Variants in PCDHA6 observed in about 807,000 individuals in gnomAD.
The protein encoded by PCDHA6 is protocadherin alpha-6.
A neutral mutation model predicts 60.3 loss-of-function variants in PCDHA6; 55 were observed. That is an observed-to-expected ratio of 0.91 (90% CI 0.73 to 1.14). The LOEUF is 1.14. Ranked by LOEUF, PCDHA6 falls within the 50% of genes most tolerant of loss-of-function variation. The pLI is 0.00. For missense variants in PCDHA6, 1,327 were observed against 1,256.5 expected (o/e 1.06, Z -0.85); for synonymous variants, 652 against 557.9 (o/e 1.17, Z -2.38).
chr5:140,828,232 G>C lies in PCDHA6; in HGVS notation c.141G>C (p.Arg47=), dbSNP rs111975849. ...CCAAACACGGCACCTTCGTGGGCCGGATCGCGCAGGACCTGGGGCTGGAGC... is the reference window on the plus strand; with the variant it reads ...CCAAACACGGCACCTTCGTGGGCCGCATCGCGCAGGACCTGGGGCTGGAGC... The part of the protein sequence containing the change: ...EEAKHGTFVG[R]IAQDLGLELA... Residue 47 remains arginine (R), a synonymous_variant, in exon 1 of 4, where the codon CGG becomes CGC. Transcript: ENST00000529310. The C allele has an allele frequency of 3.8e-5, 61 of 1,613,964 alleles. 1 individual carries two copies. The highest frequency in any genetic ancestry group is 2.1e-4 in the African/African-American group (16 of 75,074).
At chr5:140,893,385 G>A (rs2063961874) in intron 1 of PCDHA6, among the ~76,000 whole-genome samples, 1 of 152,138 alleles carries the variant, frequency 6.6e-6, no homozygotes, top group South Asian at 2.1e-4. Flanking sequence ...TGGGACAGTG[G>A]CTCATGCCTG....
At position 140,830,361 on chromosome 5, in the gene PCDHA6, G is replaced by C. The variant is rs2150185402; in HGVS notation, c.2270G>C (p.Arg757Thr). The C allele has an allele frequency of 6.2e-7, 1 of 1,614,126 alleles. No homozygotes were observed. Among genetic ancestry groups the C allele is most frequent in the Non-Finnish European group, 8.5e-7 (1 of 1,179,996 alleles). ...TCGTACTCGCAGCAGAGGCGGCAGA[G>C]GGTGTGCTCCGGGGAGGGCCCACCC... ...SWSYSQQRRQ[R>T]VCSGEGPPKM... is the part of the protein sequence containing the mutation. The change falls in exon 1 of 4, where the codon AGG becomes ACG. Residue 757 changes from arginine to threonine, a missense_variant. Transcript: ENST00000529310.
Position 140,828,776 on chromosome 5 carries a change from C to T in PCDHA6, c.685C>T (p.Leu229=), listed in dbSNP as rs200187130. The part of the protein sequence containing the change: ...KPELTGTVQL[L]VTVLDVNDNA... ...TGAGCTCACAGGCACTGTTCAGCTG[C>T]TGGTCACAGTGCTGGATGTGAATGA... The change falls in exon 1 of 4, where the codon CTG becomes TTG. Residue 229 remains leucine, a synonymous_variant. Transcript: ENST00000529310. 318 of 1,614,178 alleles carry T rather than the reference C, an allele frequency of 2.0e-4. No homozygotes were observed. The East Asian group carries it at 7.0e-3, about 35-fold the overall frequency.
intron 1 of PCDHA6, chr5:140,869,938 T>TA (rs2051517617): frequency 6.2e-7 from 1 of 1,611,918 alleles, no homozygotes; most frequent in Admixed American, 1.7e-5. Context: ...AGAGGTAACA[T>TA]ACTCCTTAAT....
chr5:140,863,264 C>T (rs1432032847), intron 1 of PCDHA6: 3 of 1,454,794 alleles, frequency 2.1e-6, no homozygotes, highest in Non-Finnish European at 1.9e-6. Context: ...GTCCGGGAGG[C>T]AGCGCTGGTG....
rs2150155775 is a variant in PCDHA6, at chr5:140,828,477, A to T, written c.386A>T (p.Asn129Ile). The T allele has an allele frequency of 1.4e-5, 22 of 1,613,890 alleles. No homozygotes were observed. The South Asian group carries it at 2.4e-4, about 18-fold the overall frequency. ...VDVEVRDIND[N>I]PPLFPVEEQR... ...GTGGAGGTGAGGGACATTAACGACAACCCGCCCTTGTTCCCGGTAGAGGAA... is the reference window on the plus strand; with the variant it reads ...GTGGAGGTGAGGGACATTAACGACATCCCGCCCTTGTTCCCGGTAGAGGAA... Residue 129 changes from asparagine (N) to isoleucine (I), a missense_variant, in exon 1 of 4, where the codon AAC becomes ATC. Physicochemically the swap from Asn to Ile is moderately radical, Grantham distance 149. Coordinates refer to ENST00000529310, the MANE Select transcript of PCDHA6 (RefSeq NM_018909.4).
chr5:140,836,384 GTC>G (rs2150259463), intron 1 of PCDHA6: 11 of 1,613,636 alleles, frequency 6.8e-6, no homozygotes, highest in Non-Finnish European at 9.3e-6. Flanking sequence ...CCGTGCTGGT[GTC>G]GCTGGTGGAA....
chr5:140,912,746 A>T (rs1322674627), intron 1 of PCDHA6, among the ~76,000 whole-genome samples: 1 of 152,200 alleles, frequency 6.6e-6, no homozygotes, highest in Non-Finnish European at 1.5e-5. Flanking sequence ...TGGGTCTGTC[A>T]TAGATGGCTT....
intron 3 of PCDHA6, among the ~76,000 whole-genome samples, chr5:140,992,848 C>T (rs2097530967): frequency 6.6e-6 from 1 of 152,124 alleles, no homozygotes; most frequent in Non-Finnish European, 1.5e-5. Flanking sequence ...TGTATAACAA[C>T]CAGTTTCACT....
chr5:140,855,039 T>C lies in PCDHA6; in HGVS notation c.2394+24554T>C, dbSNP rs1287918149. ...AAACTTCTTGTATAAAGGATTTTTC[T>C]GTAATAGTACTTTTCTGTTTTCTTA... is the stretch of plus-strand genomic sequence containing the variant. On this transcript the variant is annotated intron_variant, in intron 1 of 3. Transcript: ENST00000529310. Among the ~76,000 whole-genome samples the C allele has an allele frequency of 2.0e-5, 3 of 150,016 alleles. 1 individual carries two copies. The highest frequency in any genetic ancestry group is 7.3e-5 in the African/African-American group (3 of 40,938).
intron 1 of PCDHA6, among the ~76,000 whole-genome samples, chr5:140,840,300 T>A (rs2150305530): frequency 6.6e-6 from 1 of 152,132 alleles, no homozygotes. Flanking sequence ...TGATTAGATA[T>A]TCTTTTAACT....
chr5:140,966,957 C>T lies in PCDHA6; in HGVS notation c.2395-11992C>T, dbSNP rs868948639. 4 of 1,602,884 alleles carry T rather than the reference C, an allele frequency of 2.5e-6. No individual in the cohort carries two copies. The African/African-American group carries it at 4.0e-5, about 16-fold the overall frequency. ...GCGCTCGTGGGCAACGTGGCTCGCG[C>T]GCTGGGGCTTGAGCTGCGGCGCTTG... On this transcript the variant is annotated intron_variant, in intron 1 of 3. Transcript: ENST00000529310.
At chr5:141,003,245 A>T (rs1554258962) in intron 3 of PCDHA6, among the ~76,000 whole-genome samples, 1 of 152,216 alleles carries the variant, frequency 6.6e-6, no homozygotes, top group African/African-American at 2.4e-5. Context: ...TTTGCCAAAA[A>T]GATTCCTGGG....
chr5:140,853,230 G>T, intron 1 of PCDHA6: 1 of 982,608 alleles, frequency 1.0e-6, no homozygotes. Flanking sequence ...TGGTAATTTA[G>T]TCCTTCATAT....
chr5:140,860,129 G>GTGTGTATATATATGTATATA (rs1554153065), intron 1 of PCDHA6: 1 of 150,592 alleles, frequency 6.6e-6, no homozygotes, highest in Non-Finnish European at 1.5e-5. Context: ...TACTGTGTGT[G>GTGTGTATATATATGTATATA]TGTGTATATA....
chr5:141,006,750 G>A (rs1233243147), intron 3 of PCDHA6, among the ~76,000 whole-genome samples: 1 of 152,122 alleles, frequency 6.6e-6, no homozygotes, highest in African/African-American at 2.4e-5. Flanking sequence ...TATTATAAAT[G>A]GAGAATGAAG....
chr5:140,835,821 G>C (rs2150245813), intron 1 of PCDHA6: 5 of 1,612,596 alleles, frequency 3.1e-6, no homozygotes, highest in Admixed American at 1.7e-5. Context: ...TGTGTCGGCG[G>C]GGGACGCGGA....
chr5:140,923,974 C>G (rs2081604148), intron 1 of PCDHA6, among the ~76,000 whole-genome samples: 1 of 152,212 alleles, frequency 6.6e-6, no homozygotes, highest in South Asian at 2.1e-4. Context: ...CCCACACATA[C>G]TATCCCTCTA....
At chr5:140,842,799 C>G (rs2150344737) in intron 1 of PCDHA6, 2 of 1,594,426 alleles carry the variant, frequency 1.3e-6, no homozygotes, top group Non-Finnish European at 1.7e-6. Context: ...GTGTCCTACT[C>G]GCTTGTGGAG....
Sources: gnomAD v4.1 joint callset for allele counts (sites outside exome capture counted in the v4.1 genomes callset) on GRCh38, gnomAD v4.1.1 for gene constraint, MANE v1.5 for transcripts, NCBI Gene and HGNC (gene_info 2026-07-23, HGNC 2026-07-21) for gene names.